UBE4B: variants seen among roughly 807,000 people sequenced by gnomAD.
UBE4B encodes ubiquitination factor E4B.
UBE4B carries 27 observed loss-of-function variants against 148.1 expected under a neutral mutation model. That is an observed-to-expected ratio of 0.18 (90% CI 0.13 to 0.25). The LOEUF is 0.25. Ranked by LOEUF, UBE4B falls within the 10% of genes least tolerant of loss-of-function variation. The pLI is 1.00. For missense variants in UBE4B, 1,170 were observed against 1,662.4 expected (o/e 0.70, Z 5.15); for synonymous variants, 596 against 619.3 (o/e 0.96, Z 0.56).
At chr1:10,179,303 C>T (rs1328462690) in intron 26 of UBE4B, 113 bp from the exon 27 acceptor site, 4 of 1,367,260 alleles carry the variant, frequency 2.9e-6, no homozygotes, top group Non-Finnish European at 2.0e-6. Flanking sequence ...CTCACAGGGG[C>T]CCTTTGATTG....
chr1:10,133,432 G>A (rs1164141608), intron 15 of UBE4B, among the ~76,000 whole-genome samples: 1 of 152,130 alleles, frequency 6.6e-6, no homozygotes, highest in African/African-American at 2.4e-5. Flanking sequence ...GGTACACAGT[G>A]ATCACTCAAC....
rs1005802243 is a variant in UBE4B at position 10,180,678 on chromosome 1, T to C, written c.*722T>C. 5.2e-5 allele frequency: 8 copies of C among 152,438 alleles called. No individual in the cohort carries two copies. The highest frequency in any genetic ancestry group is 1.9e-4 in the African/African-American group (8 of 41,422). 9.4% of individuals were successfully genotyped at this position (152,438 alleles called of 1,614,324 possible). On this transcript the variant is annotated 3_prime_UTR_variant, in exon 28 of 28. Coordinates refer to ENST00000343090, the MANE Select transcript of UBE4B (RefSeq NM_001105562.3). ...TTTATTCTAAACAAAATAAAGAAAATCCTGCTGCTCTGGTCCTTGTGATAA... is the reference window on the plus strand; with the variant it reads ...TTTATTCTAAACAAAATAAAGAAAACCCTGCTGCTCTGGTCCTTGTGATAA...
intron 7 of UBE4B, among the ~76,000 whole-genome samples, chr1:10,108,753 A>G (rs1423650350): frequency 6.6e-6 from 1 of 152,238 alleles, no homozygotes; most frequent in Non-Finnish European, 1.5e-5. Context: ...ATTACGCTGA[A>G]CATTTTATCA....
chr1:10,153,822 G>A (rs567532273), intron 21 of UBE4B, among the ~76,000 whole-genome samples: 1 of 151,690 alleles, frequency 6.6e-6, no homozygotes, highest in African/African-American at 2.4e-5. Context: ...AGTGGCTCAC[G>A]CTGTAATCCC....
chr1:10,107,299 A>T (rs1047219383), intron 7 of UBE4B: 3 of 1,289,496 alleles, frequency 2.3e-6, no homozygotes, highest in Non-Finnish European at 3.0e-6. Flanking sequence ...GAAGAAGAAG[A>T]TGATGATGAT....
At chr1:10,151,055 C>T (rs534668310) in intron 20 of UBE4B, among the ~76,000 whole-genome samples, 6 of 150,672 alleles carry the variant, frequency 4.0e-5, no homozygotes, top group Admixed American at 2.0e-4. Flanking sequence ...CCCAGCTACT[C>T]GGGAGGCTGA....
rs542537957 is a variant in UBE4B, at chr1:10,119,001, G to A, written c.1339-512G>A. Among the ~76,000 whole-genome samples the A allele has an allele frequency of 3.4e-5, 5 of 146,300 alleles. No homozygotes were observed. The South Asian group carries it at 1.1e-3, about 32-fold the overall frequency. ...GGGTTCAAGTGATTCCCCTGCCTCA[G>A]CCTCCTGAGTAGCTGGGACTACAGG... On this transcript the variant is annotated intron_variant, in intron 8 of 27. Transcript: ENST00000343090.
intron 7 of UBE4B, among the ~76,000 whole-genome samples, chr1:10,116,308 A>G (rs771241076): frequency 8.6e-5 from 13 of 151,760 alleles, no homozygotes; most frequent in African/African-American, 1.5e-4. Flanking sequence ...ACGCCCAACA[A>G]ATTTTTGTAT....
intron 1 of UBE4B, among the ~76,000 whole-genome samples, chr1:10,055,104 A>G (rs531848200): frequency 6.6e-6 from 1 of 152,116 alleles, no homozygotes; most frequent in South Asian, 2.1e-4. Context: ...CTTTGAACAG[A>G]TGTCCTTGTG....
rs1295495448 is a variant in UBE4B at position 10,168,151 on chromosome 1, C to T, written c.3214C>T (p.Arg1072Cys). The change falls in exon 24 of 28, where the codon CGT becomes TGT. Residue 1072 changes from arginine (R) to cysteine (C), a missense_variant. Arg to Cys is a radical substitution (Grantham distance 180). Transcript: ENST00000343090. The surrounding 1 kb of genome is among the most constrained non-coding windows in gnomAD (Gnocchi z 4.9). ...TGTGTCCTAGGATCAGCAGCAGGCT[C>T]GTCAGTCTCAGCTTGCTCAGGATGA... Reference protein sequence around the residue: ...DQLPRDQQQARQSQLAQDERV... With the variant: ...DQLPRDQQQACQSQLAQDERV... 1 of 1,614,056 alleles carries T rather than the reference C, an allele frequency of 6.2e-7. No individual in the cohort carries two copies. Among genetic ancestry groups the T allele is most frequent in the Non-Finnish European group, 8.5e-7 (1 of 1,180,024 alleles).
At chr1:10,179,300 G>A (rs1433529731) in intron 26 of UBE4B, 116 bp from the exon 27 acceptor site, 15 of 1,339,638 alleles carry the variant, frequency 1.1e-5, no homozygotes, top group Non-Finnish European at 1.5e-5. Context: ...GGCCTCACAG[G>A]GGCCCTTTGA....
At chr1:10,049,614 A>G (rs1039192647) in intron 1 of UBE4B, among the ~76,000 whole-genome samples, 7 of 152,036 alleles carry the variant, frequency 4.6e-5, no homozygotes, top group African/African-American at 1.4e-4. Context: ...TTAGGAAACA[A>G]TGTTGGCTGG....
chr1:10,155,558 C>T (rs1646055879), intron 21 of UBE4B, among the ~76,000 whole-genome samples: 1 of 152,188 alleles, frequency 6.6e-6, no homozygotes, highest in African/African-American at 2.4e-5. Context: ...AGGGAGGCAT[C>T]ACAGACATAG....
At chr1:10,092,675 A>G (rs1403908113) in intron 2 of UBE4B, among the ~76,000 whole-genome samples, 1 of 152,128 alleles carries the variant, frequency 6.6e-6, no homozygotes, top group Non-Finnish European at 1.5e-5. Context: ...TAAAAGTACA[A>G]AAATTAGCTG....
chr1:10,098,027 C>T (rs1207923320), intron 3 of UBE4B, among the ~76,000 whole-genome samples: 10 of 151,886 alleles, frequency 6.6e-5, no homozygotes, highest in Non-Finnish European at 7.4e-5. Context: ...TGGGCCACCA[C>T]GCATGGCTAA....
At chr1:10,048,255 T>A (rs1467111525) in intron 1 of UBE4B, among the ~76,000 whole-genome samples, 1 of 152,144 alleles carries the variant, frequency 6.6e-6, no homozygotes, top group Non-Finnish European at 1.5e-5. Context: ...TGGGGAAAAT[T>A]GAAAGAGAAG....
At chr1:10,121,672 G>C (rs921372165) in intron 9 of UBE4B, among the ~76,000 whole-genome samples, 17 of 152,108 alleles carry the variant, frequency 1.1e-4, no homozygotes, top group African/African-American at 4.1e-4. Context: ...GGTATTGCAG[G>C]CGTGAGCCAC....
At chr1:10,035,396 T>TG (rs1643472701) in intron 1 of UBE4B, among the ~76,000 whole-genome samples, 1 of 133,658 alleles carries the variant, frequency 7.5e-6, no homozygotes, top group Admixed American at 7.3e-5. Context: ...ACTGTTTTTT[T>TG]TTTTTTTTTT....
intron 19 of UBE4B, 67 bp downstream of exon 19, chr1:10,147,157 C>G: frequency 6.2e-7 from 1 of 1,601,352 alleles, no homozygotes; most frequent in Non-Finnish European, 8.5e-7. Context: ...TATTGTCCTT[C>G]AAAGTTGATA....
Sources: allele counts gnomAD v4.1 joint callset (sites outside exome capture counted in the v4.1 genomes callset), GRCh38; gene constraint gnomAD v4.1.1; non-coding constraint Gnocchi (gnomAD v3.1); transcripts MANE v1.5; gene names NCBI Gene and HGNC (gene_info 2026-07-23, HGNC 2026-07-21).